The following NBEA variants were observed in gnomAD, a reference collection of about 807,000 sequenced individuals.
NBEA encodes the protein lysosomal-trafficking regulator 2.
In NBEA, 44 loss-of-function variants were observed where a neutral mutation model predicts 343.4. The ratio of observed to expected loss-of-function variants is 0.13; its 90% CI spans 0.10 to 0.16. NBEA has a LOEUF of 0.16. Ranked by LOEUF, NBEA falls within the 10% of genes least tolerant of loss-of-function variation. NBEA has a pLI of 1.00. For missense variants in NBEA, 2,555 were observed against 3,631.3 expected (o/e 0.70, Z 7.62); for synonymous variants, 1,175 against 1,238.7 (o/e 0.95, Z 1.08).
chr13:35,224,457 C>CT (rs2074544184), intron 33 of NBEA, among the ~76,000 whole-genome samples: 1 of 152,038 alleles, frequency 6.6e-6, no homozygotes, highest in South Asian at 2.1e-4. Context: ...TGTATATATT[C>CT]TTTTTTCTTT....
At chr13:35,264,066 A>G (rs2033453057) in intron 34 of NBEA, among the ~76,000 whole-genome samples, 3 of 151,906 alleles carry the variant, frequency 2.0e-5, no homozygotes, top group Non-Finnish European at 4.4e-5. Flanking sequence ...TCAGAAATGA[A>G]AAAGGAGATA....
Position 35,550,185 on chromosome 13 carries a change from G to T in NBEA, c.6586-292G>T, listed in dbSNP as rs138123651. 5.5e-3 allele frequency among the ~76,000 whole-genome samples: 843 copies of T among 152,214 alleles called. 10 individuals are homozygous for T. The highest frequency in any genetic ancestry group is 0.019 in the African/African-American group (799 of 41,536). Reference sequence around the variant, plus strand: ...ACCAACAATATATGTCTCACAGGTGGTCACCTGGTCCAATTAATTATATAC... The same window carrying T: ...ACCAACAATATATGTCTCACAGGTGTTCACCTGGTCCAATTAATTATATAC... On this transcript the variant is annotated intron_variant, in intron 41 of 58. Coordinates refer to ENST00000379939, the MANE Select transcript of NBEA (RefSeq NM_001385012.1).
At chr13:35,226,126 A>G (rs907876019) in intron 33 of NBEA, among the ~76,000 whole-genome samples, 1 of 152,206 alleles carries the variant, frequency 6.6e-6, no homozygotes, top group Non-Finnish European at 1.5e-5. Flanking sequence ...GCAGTGGAAG[A>G]TTGGTCTGAA....
At chr13:35,481,220 G>A (rs541943190) in intron 41 of NBEA, among the ~76,000 whole-genome samples, 3 of 151,752 alleles carry the variant, frequency 2.0e-5, no homozygotes, top group Admixed American at 2.0e-4. Flanking sequence ...GGTATTAATA[G>A]GTTTTTGAAA....
At chr13:35,275,334 C>A (rs1274404632) in intron 34 of NBEA, among the ~76,000 whole-genome samples, 1 of 152,168 alleles carries the variant, frequency 6.6e-6, no homozygotes, top group African/African-American at 2.4e-5. Context: ...CTTCCTTACA[C>A]CTTATATCTA....
At position 35,232,601 on chromosome 13, in the gene NBEA, C is replaced by A; in HGVS notation, c.5758C>A (p.Gln1920Lys). 1 of 1,531,688 alleles carries A rather than the reference C, an allele frequency of 6.5e-7. No individual in the cohort carries two copies. The highest frequency in any genetic ancestry group is 2.0e-5 in the Admixed American group (1 of 51,120). The allele number at this position is 1,531,688 out of a possible 1,614,324, so 94.9% of individuals were successfully genotyped here. A position where few individuals can be genotyped will look rare whatever the true frequency, so the allele number is the denominator to read the frequency against. ...TCGTACACTTCTTGGCAGTCATGGA[C>A]AAGAGCTATTGATAGAAGGTATGAT... ...LSRTLLGSHG[Q>K]ELLIEGLVCM... Residue 1920 changes from glutamine (Q) to lysine (K), a missense_variant, in exon 34 of 59, where the codon CAA becomes AAA. Coordinates refer to ENST00000379939, the MANE Select transcript of NBEA (RefSeq NM_001385012.1).
intron 34 of NBEA, among the ~76,000 whole-genome samples, chr13:35,234,934 T>C (rs1235205559): frequency 1.3e-5 from 2 of 152,228 alleles, no homozygotes; most frequent in African/African-American, 2.4e-5. Flanking sequence ...AGGTGAAAAT[T>C]TGATTTTTCT....
At chr13:35,373,137 G>T (rs2041540085) in intron 38 of NBEA, among the ~76,000 whole-genome samples, 1 of 152,072 alleles carries the variant, frequency 6.6e-6, no homozygotes, top group Non-Finnish European at 1.5e-5. Context: ...CAGGCTCCCA[G>T]CTGATCTCAG....
chr13:35,351,506 A>C (rs971727442), intron 37 of NBEA, among the ~76,000 whole-genome samples: 4 of 152,008 alleles, frequency 2.6e-5, no homozygotes, highest in African/African-American at 4.8e-5. Context: ...GACAACTGAT[A>C]ATTATGGGAA....
At chr13:35,119,358 T>A (rs1218481009) in intron 16 of NBEA, among the ~76,000 whole-genome samples, 1 of 152,162 alleles carries the variant, frequency 6.6e-6, no homozygotes, top group African/African-American at 2.4e-5. Flanking sequence ...AATATATCAG[T>A]GACTGTCAAG....
intron 1 of NBEA, among the ~76,000 whole-genome samples, chr13:35,030,651 CAAAT>C (rs1214433576): frequency 1.3e-5 from 2 of 151,568 alleles, no homozygotes; most frequent in East Asian, 1.9e-4. Flanking sequence ...TCATTACAAG[CAAAT>C]AAATATTTTC....
chr13:35,429,024 G>A (rs1242646880), intron 38 of NBEA, among the ~76,000 whole-genome samples: 1 of 152,164 alleles, frequency 6.6e-6, no homozygotes, highest in Non-Finnish European at 1.5e-5. Context: ...CCACTGGTGG[G>A]CTGGCCTCAT....
At chr13:35,095,950 T>C (rs1341720737) in intron 10 of NBEA, among the ~76,000 whole-genome samples, 3 of 152,014 alleles carry the variant, frequency 2.0e-5, no homozygotes, top group Admixed American at 2.0e-4. Flanking sequence ...ATGTAGGAGA[T>C]ATAGGAATGG....
At chr13:35,192,996 T>C (rs968205582) in intron 30 of NBEA, among the ~76,000 whole-genome samples, 2 of 151,958 alleles carry the variant, frequency 1.3e-5, no homozygotes, top group African/African-American at 4.8e-5. Context: ...TTAGATATGA[T>C]TGTATGACTT....
intron 38 of NBEA, among the ~76,000 whole-genome samples, chr13:35,361,221 C>T: frequency 6.6e-6 from 1 of 152,076 alleles, no homozygotes. Flanking sequence ...ATTCAGCATT[C>T]AGCAAAAATA....
intron 31 of NBEA, among the ~76,000 whole-genome samples, chr13:35,201,037 A>C (rs1210597289): frequency 1.3e-5 from 2 of 152,010 alleles, no homozygotes; most frequent in African/African-American, 2.4e-5. Context: ...TTTTGACCCT[A>C]TCACTTAAAA....
intron 1 of NBEA, among the ~76,000 whole-genome samples, chr13:34,973,075 T>C (rs1157764225): frequency 1.3e-5 from 2 of 152,194 alleles, no homozygotes; most frequent in Non-Finnish European, 2.9e-5. Context: ...GGGGGTCCAC[T>C]GCAGTCCTTA....
At chr13:35,097,717 CA>C (rs1194176064) in intron 10 of NBEA, among the ~76,000 whole-genome samples, 1 of 151,604 alleles carries the variant, frequency 6.6e-6, no homozygotes, top group Non-Finnish European at 1.5e-5. Context: ...CTTTTCATTT[CA>C]ATATTACATA....
intron 1 of NBEA, among the ~76,000 whole-genome samples, chr13:34,995,043 T>A (rs1256720330): frequency 2.6e-5 from 4 of 152,164 alleles, no homozygotes; most frequent in Admixed American, 6.6e-5. Context: ...GGGACCTCAG[T>A]CCTAGGTTCT....
Sources: allele counts gnomAD v4.1 joint callset (sites outside exome capture counted in the v4.1 genomes callset), GRCh38; gene constraint gnomAD v4.1.1; transcripts MANE v1.5; gene names NCBI Gene and HGNC (gene_info 2026-07-23, HGNC 2026-07-21).